KANK1: variants seen among roughly 807,000 people sequenced by gnomAD.
KANK1 encodes KN motif and ankyrin repeat domains 1.
In KANK1, 109 loss-of-function variants were observed where a neutral mutation model predicts 106.2. The observed-to-expected ratio is 1.03, with a 90% CI of 0.88 to 1.20. KANK1 has a LOEUF of 1.20. Ranked by LOEUF, KANK1 falls within the 50% of genes most tolerant of loss-of-function variation. The pLI, the probability that KANK1 is intolerant of heterozygous loss-of-function variation, is 0.00. For synonymous variants in KANK1, 873 were observed against 652.2 expected, an observed-to-expected ratio of 1.34 and a Z score of -5.16; for missense variants, 2,399 against 1,710.7, an observed-to-expected ratio of 1.40 and a Z score of -7.10.
Position 711,477 on chromosome 9 carries a change from C to T in KANK1, c.711C>T (p.Ser237=). 1 of 1,614,142 alleles carries T rather than the reference C, an allele frequency of 6.2e-7. No homozygotes were observed. Among genetic ancestry groups the T allele is most frequent in the Non-Finnish European group, 8.5e-7 (1 of 1,180,016 alleles). The part of the protein sequence containing the change: ...PAAPTTSSMG[S]SIRHSPLSSG... ...CTCCCACCACTTCCTCCATGGGGAG[C>T]TCCATCCGCCACAGCCCCCTGAGCT... The change falls in exon 3 of 12, where the codon AGC becomes AGT. Residue 237 remains serine (S), a synonymous_variant. Transcript: ENST00000382297.
chr9:482,338 C>G (rs372756602), intron 3 of KANK1, among the ~76,000 whole-genome samples: 2 of 152,132 alleles, frequency 1.3e-5, no homozygotes, highest in Non-Finnish European at 2.9e-5. Flanking sequence ...TTTTCGGATT[C>G]GAATTTGTCT....
At chr9:558,940 A>G (rs760496183) in intron 1 of KANK1, 13 of 152,182 alleles carry the variant, frequency 8.5e-5, no homozygotes, top group Non-Finnish European at 1.8e-4. Context: ...AAAAAGAAAA[A>G]AAAATTTTGG....
intron 1 of KANK1, among the ~76,000 whole-genome samples, chr9:525,465 C>A (rs2059748693): frequency 6.6e-6 from 1 of 151,236 alleles, no homozygotes; most frequent in Non-Finnish European, 1.5e-5. Flanking sequence ...CTGCAACTTC[C>A]ACCTCCCTGG....
intron 1 of KANK1, among the ~76,000 whole-genome samples, chr9:582,580 T>C (rs979740704): frequency 6.6e-6 from 1 of 152,178 alleles, no homozygotes; most frequent in Non-Finnish European, 1.5e-5. Flanking sequence ...TTTGCCATTA[T>C]TTCAGATGCT....
chr9:711,368 G>T lies in KANK1; in HGVS notation c.602G>T (p.Gly201Val), dbSNP rs765373370. ...GTTSSLPSFV[G>V]SGNHNPAKHQ... ...ACAAGCTCCCTCCCTTCTTTTGTGG[G>T]TTCTGGAAACCACAATCCTGCCAAG... is the stretch of plus-strand genomic sequence containing the variant. The change falls in exon 3 of 12, where the codon GGT becomes GTT. Residue 201 changes from glycine (G) to valine (V), a missense_variant. Physicochemically the swap from Gly to Val is moderately radical, Grantham distance 109. Transcript: ENST00000382297. 6.2e-7 allele frequency: 1 copy of T among 1,614,128 alleles called. No individual in the cohort carries two copies.
chr9:569,188 A>C (rs1317796748), intron 1 of KANK1, among the ~76,000 whole-genome samples: 1 of 129,802 alleles, frequency 7.7e-6, no homozygotes, highest in African/African-American at 2.4e-5. Context: ...TGTTTTATCA[A>C]CTTTGTCTCA....
intron 1 of KANK1, among the ~76,000 whole-genome samples, chr9:595,946 G>A (rs138814057): frequency 2.6e-5 from 4 of 151,904 alleles, no homozygotes; most frequent in South Asian, 2.1e-4. Flanking sequence ...GAAGTATTTC[G>A]GACTTTGGAC....
intron 2 of KANK1, chr9:471,466 A>C (rs3739596): frequency 0.15 from 22,965 of 152,206 alleles, 2,555 homozygotes; most frequent in East Asian, 0.52. Flanking sequence ...TGACACTCCC[A>C]AGTCCATGTG....
chr9:497,542 C>CAA (rs111377029), intron 3 of KANK1, among the ~76,000 whole-genome samples: 3 of 152,016 alleles, frequency 2.0e-5, no homozygotes, highest in African/African-American at 7.2e-5. Context: ...CAAAAACTTT[C>CAA]AAAAAACCCT....
intron 1 of KANK1, among the ~76,000 whole-genome samples, chr9:555,449 C>G (rs2061525975): frequency 6.6e-6 from 1 of 152,178 alleles, no homozygotes; most frequent in South Asian, 2.1e-4. Flanking sequence ...AGTCACTATA[C>G]TGCTAAATTA....
At chr9:541,391 C>T (rs2060589110) in intron 1 of KANK1, among the ~76,000 whole-genome samples, 1 of 151,994 alleles carries the variant, frequency 6.6e-6, no homozygotes, top group South Asian at 2.1e-4. Flanking sequence ...AAAATTAAAC[C>T]CCTTTCTCAC....
chr9:518,231 G>T (rs998244256), intron 1 of KANK1, among the ~76,000 whole-genome samples: 1 of 151,826 alleles, frequency 6.6e-6, no homozygotes, highest in African/African-American at 2.4e-5. Flanking sequence ...GTAAACCTCT[G>T]ACCTCACATC....
chr9:737,254 A>G (rs1024008020), intron 7 of KANK1, among the ~76,000 whole-genome samples: 1 of 152,208 alleles, frequency 6.6e-6, no homozygotes, highest in Non-Finnish European at 1.5e-5. Context: ...AAGTGACCCA[A>G]AATGTGATTG....
intron 1 of KANK1, among the ~76,000 whole-genome samples, chr9:633,501 A>C (rs1186940838): frequency 6.6e-6 from 1 of 152,056 alleles, no homozygotes; most frequent in African/African-American, 2.4e-5. Context: ...TTGTCTTGCC[A>C]TTCAAGTTAC....
intron 1 of KANK1, among the ~76,000 whole-genome samples, chr9:676,308 C>T (rs138131920): frequency 2.2e-3 from 334 of 152,250 alleles, no homozygotes; most frequent in Non-Finnish European, 2.7e-3. Flanking sequence ...GTTTATCCAA[C>T]GGCACAGTGG....
chr9:578,894 G>A (rs1821298397), intron 1 of KANK1, among the ~76,000 whole-genome samples: 1 of 152,110 alleles, frequency 6.6e-6, no homozygotes, highest in South Asian at 2.1e-4. Context: ...CGAAGATGAC[G>A]AGCTTATCCA....
chr9:580,518 A>C (rs557204383), intron 1 of KANK1, among the ~76,000 whole-genome samples: 3 of 152,290 alleles, frequency 2.0e-5, no homozygotes, highest in South Asian at 4.1e-4. Context: ...TGATTGGTGC[A>C]TTTACAATCC....
intron 2 of KANK1, among the ~76,000 whole-genome samples, chr9:704,150 G>A (rs1000240681): frequency 2.6e-5 from 4 of 152,194 alleles, no homozygotes; most frequent in East Asian, 1.9e-4. Context: ...AAAGGGGGAA[G>A]AACTGTAGTA....
chr9:709,548 G>C (rs1589092188), intron 2 of KANK1, among the ~76,000 whole-genome samples: 1 of 151,050 alleles, frequency 6.6e-6, no homozygotes, highest in Non-Finnish European at 1.5e-5. Context: ...AATGTCTGCT[G>C]TCTATATTCC....
Sources: allele counts gnomAD v4.1 joint callset (sites outside exome capture counted in the v4.1 genomes callset), GRCh38; gene constraint gnomAD v4.1.1; transcripts MANE v1.5; gene names NCBI Gene and HGNC (gene_info 2026-07-23, HGNC 2026-07-21).